The following CENPL variants were observed in gnomAD, a reference collection of about 807,000 sequenced individuals.
CENPL encodes interphase centromere complex protein 33.
CENPL carries 20 observed loss-of-function variants against 35.2 expected under a neutral mutation model. That is an observed-to-expected ratio of 0.57 (90% CI 0.40 to 0.83). The LOEUF (loss-of-function observed/expected upper bound fraction) is 0.83, where lower values mean the gene tolerates loss of function less well. CENPL is among the 40% of genes least tolerant of loss of function. The pLI is 0.00. For missense variants in CENPL, 363 were observed against 395.8 expected (o/e 0.92, Z 0.70); for synonymous variants, 140 against 140.6 (o/e 1.00, Z 0.03).
intron 3 of CENPL, chr1:173,808,731 A>C (rs1650476974): frequency 6.6e-6 from 1 of 152,174 alleles, no homozygotes; most frequent in South Asian, 2.1e-4. Flanking sequence ...TATATATAAA[A>C]ATTAACTCAA....
At chr1:173,802,050 A>G (rs939558019) in intron 5 of CENPL, among the ~76,000 whole-genome samples, 4 of 151,732 alleles carry the variant, frequency 2.6e-5, no homozygotes, top group Admixed American at 6.6e-5. Flanking sequence ...GCACACACAG[A>G]AAAAACACCT....
At chr1:173,824,058 A>G (rs373451517) in intron 1 of CENPL, 39 bp from the exon 2 acceptor site, 5 of 151,408 alleles carry the variant, frequency 3.3e-5, no homozygotes, top group African/African-American at 1.2e-4. Context: ...ATGACAGCTA[A>G]GACAGAGGCC....
At chr1:173,816,935 C>T (rs533118107) in intron 2 of CENPL, among the ~76,000 whole-genome samples, 142 of 152,150 alleles carry the variant, frequency 9.3e-4, no homozygotes, top group African/African-American at 3.0e-3. Context: ...GTCAGGAGTT[C>T]GAGCCCAGCC....
chr1:173,810,873 C>T (rs926474059), intron 3 of CENPL, among the ~76,000 whole-genome samples: 20 of 152,106 alleles, frequency 1.3e-4, no homozygotes, highest in African/African-American at 2.7e-4. Flanking sequence ...GCCAAGATCG[C>T]GCCACTGCAC....
intron 4 of CENPL, among the ~76,000 whole-genome samples, chr1:173,805,614 G>A (rs909442788): frequency 1.3e-5 from 2 of 151,776 alleles, no homozygotes; most frequent in Non-Finnish European, 2.9e-5. Context: ...AGAAGTTACT[G>A]GGTCTCAGCA....
At chr1:173,805,335 G>T (rs776171039) in intron 4 of CENPL, among the ~76,000 whole-genome samples, 1 of 152,010 alleles carries the variant, frequency 6.6e-6, no homozygotes, top group Admixed American at 6.6e-5. Context: ...TGGGCAACAC[G>T]GTGAAACCCT....
chr1:173,804,792 A>G (rs1650059407), intron 4 of CENPL, among the ~76,000 whole-genome samples: 1 of 141,206 alleles, frequency 7.1e-6, no homozygotes, highest in South Asian at 2.2e-4. Context: ...CCCTCAAACT[A>G]AATTTTAAGT....
At chr1:173,809,444 T>C (rs1650585314) in intron 3 of CENPL, among the ~76,000 whole-genome samples, 1 of 151,496 alleles carries the variant, frequency 6.6e-6, no homozygotes, top group Non-Finnish European at 1.5e-5. Context: ...CAAAAAAAAT[T>C]AGCCAGGCAT....
rs566099297 is a variant in CENPL, at chr1:173,807,053, A to G, written c.420+214T>C. ...AAGACTATATAGATACAGATAACCA[A>G]ACATATATACCAAAATGTTAAACTA... is the stretch of plus-strand genomic sequence containing the variant. On this transcript the variant is annotated intron_variant, in intron 4 of 5. Coordinates refer to ENST00000682279, the MANE Select transcript of CENPL (RefSeq NM_001387287.1). Among the ~76,000 whole-genome samples the G allele has an allele frequency of 2.0e-5, 3 of 152,254 alleles. No individual in the cohort carries two copies. The South Asian group carries it at 6.2e-4, about 32-fold the overall frequency.
At chr1:173,816,084 T>C (rs530624104) in intron 2 of CENPL, among the ~76,000 whole-genome samples, 2 of 152,278 alleles carry the variant, frequency 1.3e-5, no homozygotes, top group African/African-American at 2.4e-5. Context: ...CCACTCACAA[T>C]TGCTACAAAG....
At chr1:173,818,291 T>C (rs1651614516) in intron 2 of CENPL, among the ~76,000 whole-genome samples, 1 of 152,192 alleles carries the variant, frequency 6.6e-6, no homozygotes, top group African/African-American at 2.4e-5. Flanking sequence ...CTTTATTTTA[T>C]CTATGCAAAA....
chr1:173,811,882 C>T (rs193056827), intron 2 of CENPL, among the ~76,000 whole-genome samples: 1 of 152,360 alleles, frequency 6.6e-6, no homozygotes, highest in African/African-American at 2.4e-5. Flanking sequence ...CTGGGAAGCG[C>T]AAGGGGTCCA....
In CENPL at chr1:173,807,270, G is replaced by T. The variant is rs1650319687; in HGVS notation, c.417C>A (p.Val139=). 2.5e-6 allele frequency: 4 copies of T among 1,603,052 alleles called. 1 individual carries two copies. The South Asian group carries it at 4.5e-5, about 18-fold the overall frequency. ...GTQRDPEAFL[V]QIVSKSQLPS... Reference sequence around the variant, plus strand: ...AAGAACTGTTTATGTATTATACCTGGACAAGAAATGCTTCCGGGTCCCTTT... The same window carrying T: ...AAGAACTGTTTATGTATTATACCTGTACAAGAAATGCTTCCGGGTCCCTTT... Residue 139 remains valine (V), a synonymous_variant, in exon 4 of 6, where the codon GTC becomes GTA. Coordinates refer to ENST00000682279, the MANE Select transcript of CENPL (RefSeq NM_001387287.1).
rs191630312 is a variant in CENPL, at chr1:173,814,415, T to C, written c.-7-3109A>G. ...CCACCACATCCCACTTATTCTAAAA[T>C]TGACCACATAATTGGAAGCAAAGCA... On this transcript the variant is annotated intron_variant, in intron 2 of 5. Transcript: ENST00000682279. Among the ~76,000 whole-genome samples the C allele has an allele frequency of 2.5e-4, 38 of 152,292 alleles. No individual in the cohort carries two copies. The East Asian group carries it at 6.9e-3, about 28-fold the overall frequency.
chr1:173,810,935 C>T (rs1031315591), intron 3 of CENPL, among the ~76,000 whole-genome samples, 197 bp downstream of exon 3: 1 of 151,996 alleles, frequency 6.6e-6, no homozygotes, highest in African/African-American at 2.4e-5. Flanking sequence ...TAAATAAATA[C>T]ATAAATACAA....
At chr1:173,808,019 C>T (rs548354928) in intron 3 of CENPL, among the ~76,000 whole-genome samples, 1 of 152,220 alleles carries the variant, frequency 6.6e-6, no homozygotes, top group East Asian at 1.9e-4. Context: ...AAATATTTAA[C>T]ATAAAATTTA....
chr1:173,816,517 A>G (rs1404272346), intron 2 of CENPL, among the ~76,000 whole-genome samples: 1 of 152,214 alleles, frequency 6.6e-6, no homozygotes, highest in African/African-American at 2.4e-5. Flanking sequence ...CAGAGGCCTC[A>G]GAAATAACAC....
intron 5 of CENPL, among the ~76,000 whole-genome samples, chr1:173,801,122 A>G (rs1413211883): frequency 1.3e-5 from 2 of 151,972 alleles, no homozygotes; most frequent in Non-Finnish European, 2.9e-5. Flanking sequence ...TCTACGAGGT[A>G]AGAGTTCAAA....
At chr1:173,822,056 T>C (rs950637229) in intron 2 of CENPL, 5 of 152,184 alleles carry the variant, frequency 3.3e-5, no homozygotes, top group African/African-American at 9.7e-5. Flanking sequence ...ATTTCTAACA[T>C]TAAAAATTTG....
Sources: allele counts gnomAD v4.1 joint callset (sites outside exome capture counted in the v4.1 genomes callset), GRCh38; gene constraint gnomAD v4.1.1; transcripts MANE v1.5; gene names NCBI Gene and HGNC (gene_info 2026-07-23, HGNC 2026-07-21).